The following ADGRL1 variants were observed in gnomAD, a reference collection of about 807,000 sequenced individuals.
ADGRL1 encodes the protein adhesion G protein-coupled receptor L1, also known as CIRL-1.
A neutral mutation model predicts 148.9 loss-of-function variants in ADGRL1; 31 were observed. The observed-to-expected ratio is 0.21, with a 90% confidence interval of 0.16 to 0.28. The LOEUF is 0.28. Among genes scored for constraint, ADGRL1 ranks in the 10% least tolerant of loss-of-function variants. The pLI is 1.00. For missense variants in ADGRL1, 1,521 were observed against 2,058.8 expected, an observed-to-expected ratio of 0.74 and a Z score of 5.05; for synonymous variants, 937 against 900.3, an observed-to-expected ratio of 1.04 and a Z score of -0.73.
At position 14,151,531 on chromosome 19, in the gene ADGRL1, C is replaced by G. The variant is rs769622521; in HGVS notation, c.3752G>C (p.Ser1251Thr). 4 of 1,611,074 alleles carry G rather than the reference C, an allele frequency of 2.5e-6. No individual in the cohort carries two copies. The East Asian group carries it at 8.9e-5, about 36-fold the overall frequency. ...GNFNNSYSLR[S>T]GDFPPGDGGP... ...CCCATCCCCGGGAGGGAAATCCCCACTTCGCAAGGAGTAACTGTTATTGAA... is the reference window on the plus strand; with the variant it reads ...CCCATCCCCGGGAGGGAAATCCCCAGTTCGCAAGGAGTAACTGTTATTGAA... The change falls in exon 23 of 23, where the codon AGT becomes ACT. Residue 1251 changes from serine (S) to threonine (T), a missense_variant. By Grantham distance (58) the Ser-to-Thr change is moderately conservative. Around this residue, in one of 8 missense-constraint regions of ADGRL1, gnomAD observed 390 missense variants for 375.0 expected, o/e 1.04. Transcript: ENST00000361434.
At position 14,161,424 on chromosome 19, in the gene ADGRL1, A is replaced by G; in HGVS notation, c.1398T>C (p.Asn466=). 6.6e-7 allele frequency: 1 copy of G among 1,524,328 alleles called. No individual in the cohort carries two copies. The highest frequency in any genetic ancestry group is 8.8e-7 in the Non-Finnish European group (1 of 1,138,712). 94.4% of individuals were successfully genotyped at this position (1,524,328 alleles called of 1,614,324 possible). A position where few individuals can be genotyped will look rare whatever the true frequency, so the allele number is the denominator to read the frequency against. ...VPSTRRPPAP[N]LHVSPELFCE... ...AGAAGAGCTCAGGGGACACGTGTAG[A>G]TTCGGGGCTGGGGGCCGCCGGGTGC... is the stretch of plus-strand genomic sequence containing the variant. The change falls in exon 6 of 23, where the codon AAT becomes AAC. Residue 466 remains asparagine, a synonymous_variant. Coordinates refer to ENST00000361434, the MANE Select transcript of ADGRL1 (RefSeq NM_014921.5). The surrounding 1 kb of genome is among the most constrained non-coding windows in gnomAD (Gnocchi z 4.4).
chr19:14,174,009 C>T (rs1456046265), intron 3 of ADGRL1, among the ~76,000 whole-genome samples: 2 of 148,752 alleles, frequency 1.3e-5, no homozygotes, highest in Non-Finnish European at 3.0e-5. Context: ...GGGTTGGGGA[C>T]TCAGCGGAGA....
intron 1 of ADGRL1, among the ~76,000 whole-genome samples, chr19:14,203,376 T>G (rs570032766): frequency 2.6e-5 from 4 of 151,986 alleles, no homozygotes; most frequent in Admixed American, 6.5e-5. Context: ...CTCCCACTCC[T>G]CCCGTTCCTC....
intron 2 of ADGRL1, 87 bp downstream of exon 2, chr19:14,183,446 G>A (rs1432949970): frequency 3.8e-5 from 48 of 1,253,598 alleles, no homozygotes; most frequent in Non-Finnish European, 5.1e-5. Context: ...TCTTTACTGA[G>A]TGATCAGGAG....
chr19:14,192,236 TTTTATTTA>T (rs149151796), intron 1 of ADGRL1, among the ~76,000 whole-genome samples: 59 of 150,798 alleles, frequency 3.9e-4, no homozygotes, highest in Middle Eastern at 6.8e-3. Context: ...CTTTATTTTA[TTTTATTTA>T]TTTATTTATT....
intron 4 of ADGRL1, among the ~76,000 whole-genome samples, chr19:14,167,652 G>C (rs1156607738): frequency 2.0e-5 from 3 of 152,076 alleles, no homozygotes; most frequent in South Asian, 4.1e-4. Context: ...TCACAACCCA[G>C]AAGAAGCAAA....
chr19:14,154,667 C>T (rs763617473), intron 18 of ADGRL1, among the ~76,000 whole-genome samples: 19 of 152,042 alleles, frequency 1.2e-4, no homozygotes, highest in South Asian at 1.0e-3. Flanking sequence ...AGTGCAGTGG[C>T]GCAATCTTGG....
intron 1 of ADGRL1, among the ~76,000 whole-genome samples, chr19:14,193,201 G>C (rs552085030): frequency 6.8e-6 from 1 of 146,556 alleles, no homozygotes; most frequent in African/African-American, 2.5e-5. Context: ...TCCCCCGGGA[G>C]ACCCAGGCCT....
In ADGRL1 at chr19:14,183,651, GC is replaced by G; in HGVS notation, c.-50del. The G allele has an allele frequency of 1.3e-6, 2 of 1,498,110 alleles. No individual in the cohort carries two copies. The highest frequency in any genetic ancestry group is 2.5e-5 in the South Asian group (2 of 81,594). The allele number at this position is 1,498,110 out of a possible 1,614,324, so 92.8% of individuals were successfully genotyped here. A position where few individuals can be genotyped will look rare whatever the true frequency, so the allele number is the denominator to read the frequency against. Reference sequence around the variant, plus strand: ...GAGCTCTCAGTGGCCTGTGCGGGGGGCTTTGCCCCACATCACCTGGCAGGCA... The same window carrying G: ...GAGCTCTCAGTGGCCTGTGCGGGGGGTTTGCCCCACATCACCTGGCAGGCA... On this transcript the variant is annotated 5_prime_UTR_variant, in exon 2 of 23. It removes the in-frame stop codon of an upstream open reading frame in the 5' UTR. Transcript: ENST00000361434.
At chr19:14,178,399 G>A (rs1970964799) in intron 2 of ADGRL1, among the ~76,000 whole-genome samples, 1 of 152,064 alleles carries the variant, frequency 6.6e-6, no homozygotes, top group Non-Finnish European at 1.5e-5. Flanking sequence ...CAGCTACTGG[G>A]GAGGCTGAGG....
At chr19:14,177,960 C>A (rs950197457) in intron 2 of ADGRL1, among the ~76,000 whole-genome samples, 1 of 152,130 alleles carries the variant, frequency 6.6e-6, no homozygotes, top group East Asian at 1.9e-4. Flanking sequence ...ACTCTCAGCT[C>A]CTAGGAAGTG....
At position 14,157,272 on chromosome 19, in the gene ADGRL1, C is replaced by T; in HGVS notation, c.2724G>A (p.Gly908=). The T allele has an allele frequency of 6.2e-7, 1 of 1,614,090 alleles. No homozygotes were observed. ...CCACCTCATACTGAGTCTTGTCGAT[C>T]CCGACCAGGAAGAGCAGCTCAGCCA... ...LFLAELLFLV[G]IDKTQYEIAC... is the part of the protein sequence containing the mutation. Residue 908 remains glycine (G), a synonymous_variant, in exon 14 of 23, where the codon GGG becomes GGA. Coordinates refer to ENST00000361434, the MANE Select transcript of ADGRL1 (RefSeq NM_014921.5). The surrounding 1 kb of genome is among the most constrained non-coding windows in gnomAD (Gnocchi z 7.5).
Position 14,159,809 on chromosome 19 carries a change from C to G in ADGRL1, c.1801-36G>C. On this transcript the variant is annotated intron_variant, in intron 8 of 22. Transcript: ENST00000361434. The surrounding 1 kb of genome is among the most constrained non-coding windows in gnomAD (Gnocchi z 6.0). ...ATGGAGGTGATGTCAGGCCAGGCCT[C>G]TGGGTGCCGGTTCCCTCACCCTAAT... 6.3e-7 allele frequency: 1 copy of G among 1,591,120 alleles called. No individual in the cohort carries two copies. Among genetic ancestry groups the G allele is most frequent in the Non-Finnish European group, 8.6e-7 (1 of 1,159,358 alleles).
chr19:14,193,629 C>G (rs1972086738), intron 1 of ADGRL1, among the ~76,000 whole-genome samples: 1 of 152,116 alleles, frequency 6.6e-6, no homozygotes, highest in Non-Finnish European at 1.5e-5. Flanking sequence ...CCTGATAACT[C>G]AAATGTGACT....
At chr19:14,191,552 C>A in intron 1 of ADGRL1, 1 of 428,476 alleles carries the variant, frequency 2.3e-6, no homozygotes, top group Non-Finnish European at 4.8e-6. Flanking sequence ...TTTACTTCCT[C>A]CTAGTTCTGG....
intron 2 of ADGRL1, among the ~76,000 whole-genome samples, chr19:14,181,252 A>G (rs1013494118): frequency 6.6e-6 from 1 of 152,208 alleles, no homozygotes; most frequent in African/African-American, 2.4e-5. Context: ...GAATGAACTC[A>G]TGTTTCTAGA....
rs1416067550 is a variant in ADGRL1 at position 14,160,770 on chromosome 19, AAGG to A, written c.1511-77_1511-75del. The A allele has an allele frequency of 4.1e-5, 35 of 861,072 alleles. No homozygotes were observed. The highest frequency in any genetic ancestry group is 4.9e-5 in the East Asian group (2 of 40,526). The allele number at this position is 861,072 out of a possible 1,614,324, so 53.3% of individuals were successfully genotyped here. ...GAGAAGGATGGGACAGAGAGGGGGAAAGGAGATGACAGAGAGTGGGGGACGAGC... is the reference window on the plus strand; with the variant it reads ...GAGAAGGATGGGACAGAGAGGGGGAAAGATGACAGAGAGTGGGGGACGAGC... On this transcript the variant is annotated intron_variant, in intron 6 of 22. Coordinates refer to ENST00000361434, the MANE Select transcript of ADGRL1 (RefSeq NM_014921.5). The surrounding 1 kb of genome is among the most constrained non-coding windows in gnomAD (Gnocchi z 5.9).
chr19:14,192,112 G>A (rs1339180970), intron 1 of ADGRL1, among the ~76,000 whole-genome samples: 1 of 152,204 alleles, frequency 6.6e-6, no homozygotes, highest in East Asian at 1.9e-4. Context: ...CTCACGCTGG[G>A]AGTCAGGGCT....
intron 3 of ADGRL1, among the ~76,000 whole-genome samples, chr19:14,171,866 A>G (rs1350599365): frequency 6.6e-6 from 1 of 152,216 alleles, no homozygotes; most frequent in African/African-American, 2.4e-5. Context: ...CCCCACTGTC[A>G]GGGTCTCTGT....
Sources: gnomAD v4.1 joint callset for allele counts (sites outside exome capture counted in the v4.1 genomes callset) on GRCh38, gnomAD v4.1.1 for gene constraint, gnomAD v4.1.1 regional missense constraint, Gnocchi (gnomAD v3.1) non-coding constraint, MANE v1.5 for transcripts, NCBI Gene and HGNC (gene_info 2026-07-23, HGNC 2026-07-21) for gene names.